APOBEC2: variants seen among roughly 807,000 people sequenced by gnomAD.
APOBEC2 encodes C->U-editing enzyme APOBEC-2.
A neutral mutation model predicts 19.4 loss-of-function variants in APOBEC2; 14 were observed. That is an observed-to-expected ratio of 0.72 (90% CI 0.48 to 1.13). The LOEUF (loss-of-function observed/expected upper bound fraction) is 1.13. APOBEC2 is among the 50% of genes most tolerant of loss of function. The pLI, the probability that APOBEC2 is intolerant of heterozygous loss-of-function variation, is 0.00. For synonymous variants in APOBEC2, 127 were observed against 112.1 expected (o/e 1.13, Z -0.84); for missense variants, 304 against 277.0 (o/e 1.10, Z -0.69).
intron 1 of APOBEC2, among the ~76,000 whole-genome samples, chr6:41,055,651 C>T (rs1762786166): frequency 6.6e-6 from 1 of 152,080 alleles, no homozygotes; most frequent in South Asian, 2.1e-4. Context: ...GGAAACAGTC[C>T]GACATGAGGA....
At chr6:41,061,991 T>C in intron 2 of APOBEC2, 99 bp downstream of exon 2, 2 of 1,156,162 alleles carry the variant, frequency 1.7e-6, no homozygotes, top group Admixed American at 2.6e-5. Context: ...GATTTTCCTT[T>C]GGAAGGGTTT....
chr6:41,059,121 T>G (rs1016971191), intron 1 of APOBEC2, among the ~76,000 whole-genome samples: 1 of 152,170 alleles, frequency 6.6e-6, no homozygotes, highest in Non-Finnish European at 1.5e-5. Flanking sequence ...CAAAGCCAAT[T>G]TGCAATTGCA....
At chr6:41,054,852 G>A (rs911651079) in intron 1 of APOBEC2, among the ~76,000 whole-genome samples, 15 of 152,184 alleles carry the variant, frequency 9.9e-5, no homozygotes, top group Non-Finnish European at 7.3e-5. Flanking sequence ...ATACACACAC[G>A]CGTGTGCACA....
At position 41,054,045 on chromosome 6, in the gene APOBEC2, T is replaced by A. The variant is rs146196468; in HGVS notation, c.131+567T>A. Among the ~76,000 whole-genome samples, 589 of 152,294 alleles carry A rather than the reference T, an allele frequency of 3.9e-3. 11 individuals are homozygous for A. The South Asian group carries it at 0.061, about 16-fold the overall frequency. On this transcript the variant is annotated intron_variant, in intron 1 of 2. Transcript: ENST00000244669. ...ATCTTTTGAGTCTCCTCAGGGGCTG[T>A]CCCACAGAGAAACAGAGAAATTACA...
chr6:41,058,329 T>C (rs12210652), intron 1 of APOBEC2, among the ~76,000 whole-genome samples: 35 of 134,724 alleles, frequency 2.6e-4, no homozygotes, highest in Non-Finnish European at 4.7e-4. Flanking sequence ...CATGAGGAAG[T>C]GACTGGATCA....
At chr6:41,056,055 C>T (rs974027719) in intron 1 of APOBEC2, among the ~76,000 whole-genome samples, 6 of 152,136 alleles carry the variant, frequency 3.9e-5, no homozygotes, top group Admixed American at 2.0e-4. Flanking sequence ...ATGCTTAAGA[C>T]GGAGCTCTGA....
intron 2 of APOBEC2, among the ~76,000 whole-genome samples, chr6:41,062,892 AG>A (rs1762893076): frequency 6.6e-6 from 1 of 152,160 alleles, no homozygotes; most frequent in Admixed American, 6.5e-5. Flanking sequence ...CCCCTTTGCA[AG>A]GCCCCAGTTA....
chr6:41,060,891 A>C (rs1464073397), intron 1 of APOBEC2, among the ~76,000 whole-genome samples: 1 of 152,260 alleles, frequency 6.6e-6, no homozygotes, highest in East Asian at 1.9e-4. Context: ...TCATCCAGAG[A>C]GCTTTTTAAA....
In APOBEC2 at chr6:41,061,903, C is replaced by T; in HGVS notation, c.*21+11C>T. On this transcript the variant is annotated intron_variant, in intron 2 of 2. Coordinates refer to ENST00000244669, the MANE Select transcript of APOBEC2 (RefSeq NM_006789.4). ...TGGGCTTTGCCTCACGTGAGTTTTC[C>T]TGGTGCCATGGCACCAACACTTTAT... 1 of 1,592,004 alleles carries T rather than the reference C, an allele frequency of 6.3e-7. No individual in the cohort carries two copies. Among genetic ancestry groups the T allele is most frequent in the Non-Finnish European group, 8.5e-7 (1 of 1,170,364 alleles).
intron 2 of APOBEC2, among the ~76,000 whole-genome samples, chr6:41,062,371 A>C (rs1405695367): frequency 6.6e-6 from 1 of 152,206 alleles, no homozygotes; most frequent in African/African-American, 2.4e-5. Flanking sequence ...CTTCAGGGAC[A>C]ATTTTTTCAC....
Position 41,053,419 on chromosome 6 carries a change from G to A in APOBEC2, c.72G>A (p.Leu24=). 1 of 1,614,188 alleles carries A rather than the reference G, an allele frequency of 6.2e-7. No individual in the cohort carries two copies. The highest frequency in any genetic ancestry group is 8.5e-7 in the Non-Finnish European group (1 of 1,180,026). ...ASQNGEDLEN[L]DDPEKLKELI... ...AGAATGGGGAGGATCTGGAGAACCTGGACGACCCTGAGAAGCTGAAAGAGC... is the reference window on the plus strand; with the variant it reads ...AGAATGGGGAGGATCTGGAGAACCTAGACGACCCTGAGAAGCTGAAAGAGC... Residue 24 remains leucine (L), a synonymous_variant, in exon 1 of 3, where the codon CTG becomes CTA. Coordinates refer to ENST00000244669, the MANE Select transcript of APOBEC2 (RefSeq NM_006789.4).
Position 41,053,352 on chromosome 6 carries a change from C to A in APOBEC2, c.5C>A (p.Ala2Asp), listed in dbSNP as rs770753227. The A allele has an allele frequency of 7.4e-6, 12 of 1,612,942 alleles. No homozygotes were observed. The East Asian group carries it at 1.6e-4, about 21-fold the overall frequency. ...CTCCTGAGCCACAGCCCCTCCATGG[C>A]CCAGAAGGAAGAGGCTGCTGTGGCC... M[A>D]QKEEAAVATE... Residue 2 changes from alanine to aspartate, a missense_variant, in exon 1 of 3, where the codon GCC (alanine) becomes GAC (aspartate). By Grantham distance (126) the Ala-to-Asp change is moderately radical. Transcript: ENST00000244669.
rs910581635 is a variant in APOBEC2, at chr6:41,064,387, A to T, written c.*308A>T. ...ACTGAAGGTCCTAATTGCTCACCCA[A>T]GGGGGCTGCTTAACACAAACAGCCT... On this transcript the variant is annotated 3_prime_UTR_variant, in exon 3 of 3. Coordinates refer to ENST00000244669, the MANE Select transcript of APOBEC2 (RefSeq NM_006789.4). The T allele has an allele frequency of 2.6e-5, 4 of 152,186 alleles. No individual in the cohort carries two copies. Among genetic ancestry groups the T allele is most frequent in the Admixed American group, 6.5e-5 (1 of 15,282 alleles). The allele number at this position is 152,186 out of a possible 1,614,324, so 9.4% of individuals were successfully genotyped here. A position where few individuals can be genotyped will look rare whatever the true frequency, so the allele number is the denominator to read the frequency against.
intron 1 of APOBEC2, among the ~76,000 whole-genome samples, chr6:41,055,341 G>C (rs1202208143): frequency 6.6e-6 from 1 of 152,234 alleles, no homozygotes; most frequent in Non-Finnish European, 1.5e-5. Context: ...CAGTTCAGGT[G>C]GGAGCAGAGC....
At chr6:41,055,805 C>T (rs1762787982) in intron 1 of APOBEC2, among the ~76,000 whole-genome samples, 1 of 152,232 alleles carries the variant, frequency 6.6e-6, no homozygotes, top group South Asian at 2.1e-4. Flanking sequence ...CCGTAGCGTG[C>T]TGAAGCCAGT....
intron 1 of APOBEC2, among the ~76,000 whole-genome samples, chr6:41,056,404 G>C (rs1450772868): frequency 6.6e-6 from 1 of 152,196 alleles, no homozygotes; most frequent in African/African-American, 2.4e-5. Context: ...TATTGGCGTG[G>C]GCCACTGTGC....
intron 1 of APOBEC2, 59 bp downstream of exon 1, chr6:41,053,537 GC>G: frequency 6.3e-7 from 1 of 1,596,962 alleles, no homozygotes; most frequent in African/African-American, 1.3e-5. Flanking sequence ...CTTGGGTTAG[GC>G]TGTGGAAATT....
Position 41,061,855 on chromosome 6 carries a change from C to A in APOBEC2, c.659C>A (p.Ala220Glu). The change falls in exon 2 of 3, where the codon GCA becomes GAA. Residue 220 changes from alanine (A) to glutamate (E), a missense_variant. Physicochemically the swap from Ala to Glu is moderately radical, Grantham distance 107. Coordinates refer to ENST00000244669, the MANE Select transcript of APOBEC2 (RefSeq NM_006789.4). ...ENFLYYEEKLADILK is the reference protein window; with the variant it reads ...ENFLYYEEKLEDILK ...TTCCTATACTACGAGGAGAAGTTGGCAGACATCCTGAAGTAGGGCAACTGG... is the reference window on the plus strand; with the variant it reads ...TTCCTATACTACGAGGAGAAGTTGGAAGACATCCTGAAGTAGGGCAACTGG... 1 of 1,613,192 alleles carries A rather than the reference C, an allele frequency of 6.2e-7. No homozygotes were observed.
chr6:41,058,112 ATC>A (rs1762818253), intron 1 of APOBEC2, among the ~76,000 whole-genome samples: 1 of 150,518 alleles, frequency 6.6e-6, no homozygotes, highest in Admixed American at 6.7e-5. Context: ...TACTACCAGC[ATC>A]TCTCTCCTGA....
Sources: allele counts gnomAD v4.1 joint callset (sites outside exome capture counted in the v4.1 genomes callset), GRCh38; gene constraint gnomAD v4.1.1; transcripts MANE v1.5; gene names NCBI Gene and HGNC (gene_info 2026-07-23, HGNC 2026-07-21).